Variants in EYS observed in about 807,000 individuals in gnomAD.
The protein encoded by EYS is protein eyes shut homolog.
EYS carries 250 observed loss-of-function variants against 282.1 expected under a neutral mutation model. The observed-to-expected ratio is 0.89, with a 90% CI of 0.80 to 0.98. The LOEUF is 0.98. Ranked by LOEUF, EYS falls within the 50% of genes least tolerant of loss-of-function variation. The pLI, the probability that EYS is intolerant of heterozygous loss-of-function variation, is 0.00. For missense variants in EYS, 4,016 were observed against 3,709.0 expected, an observed-to-expected ratio of 1.08 and a Z score of -2.15; for synonymous variants, 1,355 against 1,282.9, an observed-to-expected ratio of 1.06 and a Z score of -1.20.
At chr6:65,459,896 G>GGATTACTAC (rs1221109979) in intron 5 of EYS, among the ~76,000 whole-genome samples, 7 of 146,998 alleles carry the variant, frequency 4.8e-5, no homozygotes, top group Middle Eastern at 7.4e-3. Context: ...TAAACTAAAA[G>GGATTACTAC]GATTACTACT....
At chr6:63,732,297 T>G (rs978481846) in intron 41 of EYS, among the ~76,000 whole-genome samples, 3 of 152,154 alleles carry the variant, frequency 2.0e-5, no homozygotes, top group African/African-American at 7.2e-5. Context: ...ACATATTTTT[T>G]ATATAACAAG....
intron 35 of EYS, among the ~76,000 whole-genome samples, chr6:63,924,794 T>A (rs925172125): frequency 6.6e-6 from 1 of 152,242 alleles, no homozygotes; most frequent in Non-Finnish European, 1.5e-5. Flanking sequence ...AAAATTAGAA[T>A]TTATCTTCTC....
chr6:63,995,754 CAT>C (rs760458476), intron 34 of EYS, among the ~76,000 whole-genome samples: 3 of 151,788 alleles, frequency 2.0e-5, no homozygotes, highest in Non-Finnish European at 4.4e-5. Flanking sequence ...ATGTTGAACT[CAT>C]AGAAATAGAA....
intron 2 of EYS, among the ~76,000 whole-genome samples, chr6:65,565,337 A>C (rs139734872): frequency 6.6e-5 from 10 of 150,642 alleles, no homozygotes; most frequent in Non-Finnish European, 1.5e-4. Context: ...GCCAACAAAC[A>C]TATGAAAAAA....
intron 14 of EYS, among the ~76,000 whole-genome samples, chr6:64,963,345 A>G (rs1024647874): frequency 1.3e-5 from 2 of 152,200 alleles, no homozygotes; most frequent in African/African-American, 4.8e-5. Context: ...ACCAGGATGT[A>G]GTGAGCCCTA....
intron 22 of EYS, among the ~76,000 whole-genome samples, chr6:64,668,719 C>G (rs1190955290): frequency 6.6e-6 from 1 of 151,722 alleles, no homozygotes; most frequent in Admixed American, 6.6e-5. Flanking sequence ...TACCCGCCAC[C>G]ACGCCCAGCT....
chr6:65,240,438 C>T (rs1029983176), intron 12 of EYS, among the ~76,000 whole-genome samples: 12 of 152,122 alleles, frequency 7.9e-5, no homozygotes, highest in African/African-American at 2.9e-4. Flanking sequence ...CTCCTTCCCT[C>T]CCAACCCTCT....
intron 1 of EYS, among the ~76,000 whole-genome samples, chr6:65,641,592 T>C (rs1418913376): frequency 1.3e-5 from 2 of 152,252 alleles, no homozygotes; most frequent in African/African-American, 4.8e-5. Context: ...TGTCCTATTC[T>C]GTATTACTTA....
rs553269453 is a variant in EYS at position 64,448,313 on chromosome 6, G to A, written c.5645-8961C>T. 2.6e-5 allele frequency among the ~76,000 whole-genome samples: 4 copies of A among 152,364 alleles called. No individual in the cohort carries two copies. In the East Asian group the frequency reaches 5.8e-4, roughly 22 times the overall value. On this transcript the variant is annotated intron_variant, in intron 26 of 42. Transcript: ENST00000503581. ...AGGTGGCAGTGAGCCTGGGGGAGGGGCGCCAGCCATTGCTTGGGCTTGAGT... is the reference window on the plus strand; with the variant it reads ...AGGTGGCAGTGAGCCTGGGGGAGGGACGCCAGCCATTGCTTGGGCTTGAGT...
intron 31 of EYS, among the ~76,000 whole-genome samples, chr6:64,144,611 G>A (rs184501337): frequency 8.1e-4 from 123 of 152,178 alleles, no homozygotes; most frequent in Middle Eastern, 3.4e-3. Flanking sequence ...GTGCTACCCC[G>A]TCAGCTCTGA....
At chr6:64,793,537 G>C (rs1214898174) in intron 22 of EYS, among the ~76,000 whole-genome samples, 1 of 152,104 alleles carries the variant, frequency 6.6e-6, no homozygotes, top group African/African-American at 2.4e-5. Flanking sequence ...ATACATGGTT[G>C]TAAATTTGCT....
chr6:64,297,860 C>T (rs560986738), intron 30 of EYS, among the ~76,000 whole-genome samples: 43 of 151,934 alleles, frequency 2.8e-4, no homozygotes, highest in African/African-American at 9.9e-4. Context: ...TGCCTGTAAT[C>T]CCAGCTACTC....
chr6:64,303,516 C>G (rs1769310036), intron 30 of EYS, among the ~76,000 whole-genome samples: 1 of 152,102 alleles, frequency 6.6e-6, no homozygotes, highest in Admixed American at 6.5e-5. Context: ...AAAATAAACA[C>G]AAACCTTATT....
At chr6:63,736,616 T>C (rs368119149) in intron 41 of EYS, among the ~76,000 whole-genome samples, 65 of 151,722 alleles carry the variant, frequency 4.3e-4, no homozygotes, top group African/African-American at 1.5e-3. Context: ...TTTTCCAATT[T>C]TGTGAAGAAA....
intron 26 of EYS, among the ~76,000 whole-genome samples, chr6:64,537,907 T>A (rs947744817): frequency 4.9e-4 from 74 of 152,276 alleles, no homozygotes; most frequent in Middle Eastern, 3.4e-3. Flanking sequence ...TTTCATTACA[T>A]GTTTGAGGAA....
chr6:64,445,794 T>C (rs1775099929), intron 26 of EYS, among the ~76,000 whole-genome samples: 1 of 152,142 alleles, frequency 6.6e-6, no homozygotes, highest in Non-Finnish European at 1.5e-5. Flanking sequence ...GAACCTTTCC[T>C]AGAAGTTAAC....
intron 2 of EYS, among the ~76,000 whole-genome samples, chr6:65,590,581 T>C (rs1339810542): frequency 6.6e-6 from 1 of 152,030 alleles, no homozygotes; most frequent in Non-Finnish European, 1.5e-5. Context: ...ACATTATTCT[T>C]GCTATCTCAC....
In EYS at chr6:65,071,197, G is replaced by C. The variant is rs151173436; in HGVS notation, c.2024-13470C>G. Among the ~76,000 whole-genome samples, 4 of 151,460 alleles carry C rather than the reference G, an allele frequency of 2.6e-5. No homozygotes were observed. The East Asian group carries it at 7.8e-4, about 29-fold the overall frequency. ...GTTATCACTAACTTAAAAAATTGCA[G>C]AAAAATGTAGAATTTAGAAAAAAAA... On this transcript the variant is annotated intron_variant, in intron 12 of 42. Coordinates refer to ENST00000503581, the MANE Select transcript of EYS (RefSeq NM_001142800.2).
At chr6:64,009,440 C>A (rs531719860) in intron 33 of EYS, among the ~76,000 whole-genome samples, 2 of 129,034 alleles carry the variant, frequency 1.5e-5, no homozygotes, top group Admixed American at 1.4e-4. Flanking sequence ...CCCACCACCA[C>A]GCAAGGCTAA....
Sources: gnomAD v4.1 joint callset for allele counts (sites outside exome capture counted in the v4.1 genomes callset) on GRCh38, gnomAD v4.1.1 for gene constraint, MANE v1.5 for transcripts, NCBI Gene and HGNC (gene_info 2026-07-23, HGNC 2026-07-21) for gene names.